PHF21B: variants seen among roughly 807,000 people sequenced by gnomAD.
PHF21B encodes the protein PHD finger protein 21B, also known as PHD finger protein 4.
In PHF21B, 22 loss-of-function variants were observed where a neutral mutation model predicts 62.2. The observed-to-expected ratio is 0.35, with a 90% CI of 0.25 to 0.51. The LOEUF is 0.51. Ranked by LOEUF, PHF21B falls within the 20% of genes least tolerant of loss-of-function variation. The pLI, the probability that PHF21B is intolerant of heterozygous loss-of-function variation, is 0.97. For missense variants in PHF21B, 701 were observed against 707.9 expected (o/e 0.99, Z 0.11); for synonymous variants, 341 against 314.7 (o/e 1.08, Z -0.88).
At chr22:44,904,160 A>G (rs1447772568) in intron 5 of PHF21B, among the ~76,000 whole-genome samples, 1 of 152,196 alleles carries the variant, frequency 6.6e-6, no homozygotes, top group African/African-American at 2.4e-5. Context: ...GGCTGGAGTT[A>G]ATATTTCTAT....
chr22:45,009,632 C>A lies in PHF21B; in HGVS notation c.-83G>T. The A allele has an allele frequency of 1.5e-6, 2 of 1,336,756 alleles. No homozygotes were observed. The highest frequency in any genetic ancestry group is 3.1e-5 in the South Asian group (2 of 63,742). The allele number at this position is 1,336,756 out of a possible 1,614,324, so 82.8% of individuals were successfully genotyped here. A position where few individuals can be genotyped will look rare whatever the true frequency, so the allele number is the denominator to read the frequency against. On this transcript the variant is annotated 5_prime_UTR_variant, in exon 1 of 13. Transcript: ENST00000313237. The surrounding 1 kb of genome is among the most constrained non-coding windows in gnomAD (Gnocchi z 5.9). ...GCGGCTCCGCGGGGGCCAGAGCGGG[C>A]GCGGGCGGACGCGGCCTCCGGGCTG...
In PHF21B at chr22:44,996,480, A is replaced by G. The variant is rs143552513; in HGVS notation, c.120+12065T>C. ...AGACTGGGGGCGGAAATCAGCTTTC[A>G]CCTAACTTTCAATCTGTGGTCAACA... is the stretch of plus-strand genomic sequence containing the variant. On this transcript the variant is annotated intron_variant, in intron 2 of 12. Coordinates refer to ENST00000313237, the MANE Select transcript of PHF21B (RefSeq NM_138415.5). Among the ~76,000 whole-genome samples, 11 of 152,092 alleles carry G rather than the reference A, an allele frequency of 7.2e-5. No individual in the cohort carries two copies. The East Asian group carries it at 1.7e-3, about 24-fold the overall frequency.
chr22:44,887,976 C>G lies in PHF21B; in HGVS notation c.1184G>C (p.Arg395Thr), dbSNP rs1310671537. The stretch of plus-strand genomic sequence containing the variant: ...AGCCTCCTGTACCTTCTGCTGGCAC[C>G]TGGGGCACACCCACACGCCCTTGGG... ...TAPKGVWVCP[R>T]CQQKALKKDE... Residue 395 changes from arginine (R) to threonine (T), a missense_variant, in exon 10 of 13, where the codon AGG becomes ACG. Physicochemically the swap from Arg to Thr is moderately conservative, Grantham distance 71. Coordinates refer to ENST00000313237, the MANE Select transcript of PHF21B (RefSeq NM_138415.5). The G allele has an allele frequency of 6.5e-7, 1 of 1,540,266 alleles. No individual in the cohort carries two copies. The highest frequency in any genetic ancestry group is 1.4e-5 in the African/African-American group (1 of 73,322).
chr22:44,957,372 T>C (rs755040014), intron 2 of PHF21B, among the ~76,000 whole-genome samples: 5 of 152,230 alleles, frequency 3.3e-5, no homozygotes, highest in Non-Finnish European at 5.9e-5. Context: ...CTGAACTGAC[T>C]GTAGAAGGAG....
intron 4 of PHF21B, among the ~76,000 whole-genome samples, chr22:44,915,947 A>G (rs188563166): frequency 6.6e-6 from 1 of 152,194 alleles, no homozygotes; most frequent in East Asian, 1.9e-4. Flanking sequence ...TCAGCCACAC[A>G]TGTCATTAAT....
intron 2 of PHF21B, among the ~76,000 whole-genome samples, chr22:45,006,738 TTC>T (rs914736903): frequency 6.6e-5 from 10 of 152,242 alleles, no homozygotes; most frequent in East Asian, 1.9e-4. Context: ...TTTTTTCTTC[TTC>T]TCTCTCTCTT....
intron 2 of PHF21B, among the ~76,000 whole-genome samples, chr22:44,960,037 A>G (rs962236999): frequency 6.6e-6 from 1 of 152,232 alleles, no homozygotes; most frequent in Non-Finnish European, 1.5e-5. Flanking sequence ...ACGTGTCTCT[A>G]GTCCTGCAAC....
Position 44,913,878 on chromosome 22 carries a change from C to T in PHF21B, c.775G>A (p.Ala259Thr), listed in dbSNP as rs752765102. ...TCCTTCTTCTTTTTGGTGGCCTGAG[C>T]TCCCTGAGATGGCTCCTCTGTGGGC... ...RPPTEEPSQGAQATKKKKEDR... is the reference protein window; with the variant it reads ...RPPTEEPSQGTQATKKKKEDR... The change falls in exon 5 of 13, where the codon GCT becomes ACT. Residue 259 changes from alanine (A) to threonine (T), a missense_variant. By Grantham distance (58) the Ala-to-Thr change is moderately conservative. Transcript: ENST00000313237. 2.5e-6 allele frequency: 4 copies of T among 1,614,040 alleles called. No homozygotes were observed. The highest frequency in any genetic ancestry group is 1.1e-5 in the South Asian group (1 of 91,064).
chr22:44,968,030 A>G (rs2072563179), intron 2 of PHF21B, among the ~76,000 whole-genome samples: 1 of 151,928 alleles, frequency 6.6e-6, no homozygotes, highest in African/African-American at 2.4e-5. Flanking sequence ...CTGGCTTGTC[A>G]TTGTTGGTGT....
intron 2 of PHF21B, among the ~76,000 whole-genome samples, chr22:44,944,015 T>C (rs2072014697): frequency 6.6e-6 from 1 of 152,202 alleles, no homozygotes; most frequent in African/African-American, 2.4e-5. Context: ...GCGCTGGGCC[T>C]GGGGTCCGAA....
At chr22:44,887,520 C>T (rs2070880446) in intron 10 of PHF21B, among the ~76,000 whole-genome samples, 1 of 152,032 alleles carries the variant, frequency 6.6e-6, no homozygotes, top group Non-Finnish European at 1.5e-5. Flanking sequence ...GGCTGCTTCC[C>T]CTCTAGTCTT....
intron 2 of PHF21B, among the ~76,000 whole-genome samples, chr22:44,975,325 G>A (rs912983153): frequency 7.9e-5 from 12 of 152,264 alleles, no homozygotes; most frequent in Admixed American, 6.5e-4. Flanking sequence ...TCTGGCCACC[G>A]TGACACTGTT....
intron 2 of PHF21B, among the ~76,000 whole-genome samples, chr22:44,946,561 T>C (rs1019096319): frequency 3.8e-4 from 58 of 151,804 alleles, no homozygotes; most frequent in Admixed American, 8.5e-4. Context: ...AGATGGACAG[T>C]GGGTGGACAT....
chr22:44,961,356 C>T (rs1036113798), intron 2 of PHF21B, among the ~76,000 whole-genome samples: 8 of 151,996 alleles, frequency 5.3e-5, no homozygotes, highest in Non-Finnish European at 1.0e-4. Context: ...TACAACTGAT[C>T]CTGTCACCCA....
rs535004951 is a variant in PHF21B, at chr22:44,927,900, A to C, written c.121-7410T>G. On this transcript the variant is annotated intron_variant, in intron 2 of 12. Transcript: ENST00000313237. ...CAAGCATTTTAATAGGGGGTAAAAAACGGGCCATAACAGTCAAAGATAACT... is the reference window on the plus strand; with the variant it reads ...CAAGCATTTTAATAGGGGGTAAAAACCGGGCCATAACAGTCAAAGATAACT... 2.8e-4 allele frequency among the ~76,000 whole-genome samples: 43 copies of C among 152,200 alleles called. No individual in the cohort carries two copies. In the South Asian group the frequency reaches 3.1e-3, roughly 11 times the overall value.
At chr22:44,891,455 G>C in intron 7 of PHF21B, 95 bp from the exon 8 acceptor site, 1 of 1,462,932 alleles carries the variant, frequency 6.8e-7, no homozygotes, top group Non-Finnish European at 9.4e-7. Flanking sequence ...CTGGGACAGG[G>C]TTCCCACCCA....
chr22:45,009,568 A>C lies in PHF21B; in HGVS notation c.-19T>G. On this transcript the variant is annotated 5_prime_UTR_variant, in exon 1 of 13. Transcript: ENST00000313237. This position sits in a 1 kb window ranked among gnomAD's most constrained non-coding sequence, Gnocchi z 5.9. Reference sequence around the variant, plus strand: ...GCTCCATCCCGGCAACTTGGGCAGCACTTTGCGCTCACTTTGGCCCGGGCT... The same window carrying C: ...GCTCCATCCCGGCAACTTGGGCAGCCCTTTGCGCTCACTTTGGCCCGGGCT... 1 of 1,560,942 alleles carries C rather than the reference A, an allele frequency of 6.4e-7. No homozygotes were observed. The highest frequency in any genetic ancestry group is 8.6e-7 in the Non-Finnish European group (1 of 1,164,418).
intron 2 of PHF21B, among the ~76,000 whole-genome samples, chr22:44,989,719 C>T (rs930855197): frequency 2.0e-5 from 3 of 147,914 alleles, no homozygotes; most frequent in Non-Finnish European, 4.4e-5. Flanking sequence ...AAGCGATTCT[C>T]GTGCCTCAGC....
intron 11 of PHF21B, 37 bp from the exon 12 acceptor site, chr22:44,885,566 G>T: frequency 6.5e-7 from 1 of 1,543,332 alleles, no homozygotes. Context: ...GAGAGGGGCA[G>T]GTAAGGAGCG....
Sources: gnomAD v4.1 joint callset for allele counts (sites outside exome capture counted in the v4.1 genomes callset) on GRCh38, gnomAD v4.1.1 for gene constraint, Gnocchi (gnomAD v3.1) non-coding constraint, MANE v1.5 for transcripts, NCBI Gene and HGNC (gene_info 2026-07-23, HGNC 2026-07-21) for gene names.